Variants in ZNF280D observed in about 807,000 individuals in gnomAD.
ZNF280D encodes zinc finger protein 280D, also known as suppressor of hairy wing homolog 4.
ZNF280D carries 39 observed loss-of-function variants against 94.7 expected under a neutral mutation model. That is an observed-to-expected ratio of 0.41 (90% CI 0.32 to 0.54). The LOEUF (loss-of-function observed/expected upper bound fraction) is 0.54, where lower values mean the gene tolerates loss of function less well. Among genes scored for constraint, ZNF280D ranks in the 20% least tolerant of loss-of-function variants. The pLI, the probability that ZNF280D is intolerant of heterozygous loss-of-function variation, is 0.22. For missense variants in ZNF280D, 1,090 were observed against 1,149.3 expected (o/e 0.95, Z 0.75); for synonymous variants, 398 against 377.6 (o/e 1.05, Z -0.63).
In ZNF280D at chr15:56,631,087, A is replaced by C. The variant is rs1596308803; in HGVS notation, c.*411T>G. 1 of 162,590 alleles carries C rather than the reference A, an allele frequency of 6.2e-6. No individual in the cohort carries two copies. Among genetic ancestry groups the C allele is most frequent in the East Asian group, 1.7e-4 (1 of 5,844 alleles). The allele number at this position is 162,590 out of a possible 1,614,324, so 10.1% of individuals were successfully genotyped here. A position where few individuals can be genotyped will look rare whatever the true frequency, so the allele number is the denominator to read the frequency against. On this transcript the variant is annotated 3_prime_UTR_variant, in exon 22 of 22. Transcript: ENST00000267807. ...ACTCCCCAAAAGTACATGGTTTCCA[A>C]ATCCCTTCCTCTCAGTTAACTGAAA...
chr15:56,678,530 G>A, intron 11 of ZNF280D, 134 bp downstream of exon 11: 1 of 675,086 alleles, frequency 1.5e-6, no homozygotes, highest in Non-Finnish European at 2.3e-6. Flanking sequence ...TTAAAACTTG[G>A]CCTTTCAATT....
chr15:56,713,922 G>C (rs761320340), intron 1 of ZNF280D, among the ~76,000 whole-genome samples: 5 of 152,114 alleles, frequency 3.3e-5, no homozygotes, highest in Non-Finnish European at 7.4e-5. Flanking sequence ...AAATCTGTGT[G>C]ATAGAAAATG....
chr15:56,733,261 C>T (rs561098225), intron 1 of ZNF280D, among the ~76,000 whole-genome samples, 197 bp downstream of exon 1: 17 of 152,182 alleles, frequency 1.1e-4, no homozygotes, highest in South Asian at 4.1e-4. Flanking sequence ...CCTCCTCCCC[C>T]GCCTGGGCCG....
intron 1 of ZNF280D, among the ~76,000 whole-genome samples, chr15:56,710,762 C>A (rs1263163487): frequency 1.3e-5 from 2 of 151,906 alleles, no homozygotes; most frequent in African/African-American, 2.4e-5. Flanking sequence ...GTACTGCTGC[C>A]GTGTTAAATA....
chr15:56,653,363 G>T, intron 19 of ZNF280D: 1 of 1,262,392 alleles, frequency 7.9e-7, no homozygotes, highest in Non-Finnish European at 1.0e-6. Flanking sequence ...GCTCAATTTG[G>T]TGGGCCTTAA....
intron 9 of ZNF280D, 56 bp downstream of exon 9, chr15:56,688,985 C>T: frequency 9.3e-7 from 1 of 1,078,596 alleles, no homozygotes. Context: ...CTGTAATCAT[C>T]AGTATTTTTA....
rs1180657733 is a variant in ZNF280D at position 56,630,610 on chromosome 15, C to T, written c.*888G>A. On this transcript the variant is annotated 3_prime_UTR_variant, in exon 22 of 22. Transcript: ENST00000267807. ...TTTACAATATCTACATTATACCATACTTTGGTTTGGCTTCCAGACCATTTT... is the reference window on the plus strand; with the variant it reads ...TTTACAATATCTACATTATACCATATTTTGGTTTGGCTTCCAGACCATTTT... 6.6e-6 allele frequency: 1 copy of T among 152,100 alleles called. No individual in the cohort carries two copies. Among genetic ancestry groups the T allele is most frequent in the Non-Finnish European group, 1.5e-5 (1 of 67,992 alleles). 9.4% of individuals were successfully genotyped at this position (152,100 alleles called of 1,614,324 possible). A position where few individuals can be genotyped will look rare whatever the true frequency, so the allele number is the denominator to read the frequency against.
intron 1 of ZNF280D, among the ~76,000 whole-genome samples, chr15:56,729,214 T>C (rs1040716649): frequency 6.6e-6 from 1 of 152,226 alleles, no homozygotes; most frequent in Non-Finnish European, 1.5e-5. Flanking sequence ...AAGATTGATA[T>C]ATACGAAATG....
chr15:56,637,349 C>T (rs1428262192), intron 20 of ZNF280D, among the ~76,000 whole-genome samples: 4 of 29,510 alleles, frequency 1.4e-4, no homozygotes, highest in Non-Finnish European at 3.0e-4. Context: ...TAGTTAAAAA[C>T]ATTTTTTTTT....
chr15:56,704,215 T>A lies in ZNF280D; in HGVS notation c.81A>T (p.Glu27Asp), dbSNP rs2057264190. Reference sequence around the variant, plus strand: ...CTTCTTTTACTTTCTTCTGCCATGGTTCCAGCTCCTCTTCTTCACATTCCA... The same window carrying A: ...CTTCTTTTACTTTCTTCTGCCATGGATCCAGCTCCTCTTCTTCACATTCCA... ...LFMECEEEEL[E>D]PWQKKVKEVE... The change falls in exon 4 of 22, where the codon GAA (glutamate) becomes GAT (aspartate). Residue 27 changes from glutamate to aspartate, a missense_variant. By Grantham distance (45) the Glu-to-Asp change is conservative. Transcript: ENST00000267807. 6.2e-7 allele frequency: 1 copy of A among 1,613,234 alleles called. No individual in the cohort carries two copies. Among genetic ancestry groups the A allele is most frequent in the Admixed American group, 1.7e-5 (1 of 59,868 alleles).
At chr15:56,698,421 A>T (rs1212061289) in intron 6 of ZNF280D, 1 of 152,204 alleles carries the variant, frequency 6.6e-6, no homozygotes. Context: ...AAAAGTTCAA[A>T]TTTTACCATT....
intron 19 of ZNF280D, chr15:56,652,588 A>G: frequency 2.2e-5 from 21 of 962,096 alleles, no homozygotes; most frequent in Non-Finnish European, 2.5e-5. Context: ...AAATATATAA[A>G]GGAAAGAAAT....
rs73425619 is a variant in ZNF280D, at chr15:56,707,203, T to C, written c.-41-53A>G. On this transcript the variant is annotated intron_variant, in intron 2 of 21. Transcript: ENST00000267807. Reference sequence around the variant, plus strand: ...GAGTCACTTTAAGTAACACCAAATATTGAAACATGAAACTTGGGATTCACA... The same window carrying C: ...GAGTCACTTTAAGTAACACCAAATACTGAAACATGAAACTTGGGATTCACA... The C allele has an allele frequency of 6.7e-3, 10,818 of 1,605,888 alleles. 483 individuals are homozygous for C. The African/African-American group carries it at 0.11, about 16-fold the overall frequency.
At chr15:56,707,570 AC>A (rs1331060835) in intron 1 of ZNF280D, among the ~76,000 whole-genome samples, 1 of 152,164 alleles carries the variant, frequency 6.6e-6, no homozygotes, top group Admixed American at 6.5e-5. Flanking sequence ...AAACGAGTAA[AC>A]ACCTTACAAT....
intron 3 of ZNF280D, 57 bp from the exon 4 acceptor site, chr15:56,704,324 T>G: frequency 6.8e-7 from 1 of 1,477,536 alleles, no homozygotes; most frequent in Non-Finnish European, 9.1e-7. Context: ...ATAAAAACAT[T>G]TTTGTAATAC....
chr15:56,698,179 T>C (rs1482064885), intron 6 of ZNF280D: 1 of 152,248 alleles, frequency 6.6e-6, no homozygotes, highest in Non-Finnish European at 1.5e-5. Context: ...TGGTCTATCT[T>C]AGCTTTTAAA....
chr15:56,639,451 G>A (rs2052519163), intron 20 of ZNF280D, among the ~76,000 whole-genome samples: 1 of 151,964 alleles, frequency 6.6e-6, no homozygotes, highest in Admixed American at 6.6e-5. Context: ...AACTCCAAAG[G>A]TTTGTCAGAT....
At position 56,693,214 on chromosome 15, in the gene ZNF280D, C is replaced by G. The variant is rs1300333850; in HGVS notation, c.383G>C (p.Gly128Ala). ...AACTCGTGATGAGTTTGTTATATAACCCTGTTAAATAGTTCAAAGGAAAAA... is the reference window on the plus strand; with the variant it reads ...AACTCGTGATGAGTTTGTTATATAAGCCTGTTAAATAGTTCAAAGGAAAAA... ...SVIVQPFSKP[G>A]YITNSSRVVS... Residue 128 changes from glycine to alanine, a missense_variant and splice_region_variant, in exon 7 of 22, where the codon GGT becomes GCT. Transcript: ENST00000267807. 2.6e-6 allele frequency: 4 copies of G among 1,524,682 alleles called. No homozygotes were observed. Among genetic ancestry groups the G allele is most frequent in the Non-Finnish European group, 1.8e-6 (2 of 1,123,426 alleles). The allele number at this position is 1,524,682 out of a possible 1,614,324, so 94.4% of individuals were successfully genotyped here. A position where few individuals can be genotyped will look rare whatever the true frequency, so the allele number is the denominator to read the frequency against.
chr15:56,682,555 G>A lies in ZNF280D; in HGVS notation c.781-78C>T, dbSNP rs1596482502. ...ACCACATACCAAAAAGTGATTGTGT[G>A]TTTACACCTAAGGCCAGACCATTAA... is the stretch of plus-strand genomic sequence containing the variant. On this transcript the variant is annotated intron_variant, in intron 9 of 21. Coordinates refer to ENST00000267807, the MANE Select transcript of ZNF280D (RefSeq NM_017661.4). The A allele has an allele frequency of 6.6e-6, 6 of 914,880 alleles. No individual in the cohort carries two copies. In the East Asian group the frequency reaches 1.4e-4, roughly 21 times the overall value. The allele number at this position is 914,880 out of a possible 1,614,324, so 56.7% of individuals were successfully genotyped here.
Sources: allele counts gnomAD v4.1 joint callset (sites outside exome capture counted in the v4.1 genomes callset), GRCh38; gene constraint gnomAD v4.1.1; transcripts MANE v1.5; gene names NCBI Gene and HGNC (gene_info 2026-07-23, HGNC 2026-07-21).